KHDRBS2: variants seen among roughly 807,000 people sequenced by gnomAD.
KHDRBS2 encodes KH domain-containing, RNA-binding, signal transduction-associated protein 2.
Under a neutral mutation model 44.3 loss-of-function variants are expected in KHDRBS2, and 26 were observed. That is an observed-to-expected ratio of 0.59 (90% CI 0.43 to 0.81). The LOEUF (loss-of-function observed/expected upper bound fraction) is 0.81, where lower values mean the gene tolerates loss of function less well. Ranked by LOEUF, KHDRBS2 falls within the 40% of genes least tolerant of loss-of-function variation. The probability of loss-of-function intolerance (pLI) is 0.00; values close to 1 mark genes in which losing one functional copy is unlikely to be tolerated. For missense variants in KHDRBS2, 476 were observed against 433.1 expected (o/e 1.10, Z -0.88); for synonymous variants, 194 against 151.1 (o/e 1.28, Z -2.08).
At chr6:62,141,012 A>C (rs1237754356) in intron 2 of KHDRBS2, among the ~76,000 whole-genome samples, 1 of 152,176 alleles carries the variant, frequency 6.6e-6, no homozygotes, top group Non-Finnish European at 1.5e-5. Flanking sequence ...CATCTCATTA[A>C]GGGGTGTTTG....
the KHDRBS2 span, among the ~76,000 whole-genome samples, chr6:61,556,209 G>A: frequency 6.6e-6 from 1 of 152,170 alleles, no homozygotes; most frequent in African/African-American, 2.4e-5. Flanking sequence ...CTTTGTGTGT[G>A]CATTAACACC....
chr6:62,164,212 A>G (rs1291588752), intron 2 of KHDRBS2, among the ~76,000 whole-genome samples: 2 of 151,928 alleles, frequency 1.3e-5, no homozygotes, highest in African/African-American at 2.4e-5. Flanking sequence ...AAACTTACTA[A>G]TGTTATTATT....
chr6:61,765,421 A>C (rs1391805715), intron 6 of KHDRBS2, among the ~76,000 whole-genome samples: 1 of 152,208 alleles, frequency 6.6e-6, no homozygotes, highest in African/African-American at 2.4e-5. Flanking sequence ...ACTGCACTCC[A>C]ACGTGGGCAA....
intron 3 of KHDRBS2, among the ~76,000 whole-genome samples, chr6:62,034,686 C>A (rs57438696): frequency 3.7e-5 from 4 of 107,390 alleles, no homozygotes; most frequent in East Asian, 2.9e-4. Flanking sequence ...TAGTATCATT[C>A]TGAACAGAAA....
At chr6:61,936,355 C>T (rs557567535) in intron 4 of KHDRBS2, among the ~76,000 whole-genome samples, 4 of 151,906 alleles carry the variant, frequency 2.6e-5, no homozygotes, top group Admixed American at 2.0e-4. Flanking sequence ...TATTTTTATT[C>T]GGCCCCATAG....
Position 62,275,539 on chromosome 6 carries a change from T to C in KHDRBS2, c.91+10319A>G, listed in dbSNP as rs560262168. On this transcript the variant is annotated intron_variant, in intron 1 of 8. Transcript: ENST00000281156. ...TTCATCTACTGTCTGCATTTTATAATACTCTTTTATAAAATGAATGTACTG... is the reference window on the plus strand; with the variant it reads ...TTCATCTACTGTCTGCATTTTATAACACTCTTTTATAAAATGAATGTACTG... Among the ~76,000 whole-genome samples, 5 of 152,322 alleles carry C rather than the reference T, an allele frequency of 3.3e-5. No individual in the cohort carries two copies. The South Asian group carries it at 1.0e-3, about 32-fold the overall frequency.
At chr6:61,597,914 G>GT in the KHDRBS2 span, among the ~76,000 whole-genome samples, 1,785 of 135,036 alleles carry the variant, frequency 0.013, 39 homozygotes, top group African/African-American at 0.038. Context: ...TTTTTTTTGT[G>GT]TTTTTTTTTT....
At chr6:62,085,034 T>G in intron 2 of KHDRBS2, among the ~76,000 whole-genome samples, 1 of 152,108 alleles carries the variant, frequency 6.6e-6, no homozygotes, top group East Asian at 1.9e-4. Flanking sequence ...CACCATAAAA[T>G]TATCTGCACA....
intron 2 of KHDRBS2, among the ~76,000 whole-genome samples, chr6:62,150,880 C>T (rs1231775176): frequency 6.6e-6 from 1 of 152,218 alleles, no homozygotes; most frequent in Non-Finnish European, 1.5e-5. Context: ...TGACAGATCT[C>T]TGTCTTGTTC....
At chr6:61,729,127 C>T (rs551162645) in intron 7 of KHDRBS2, among the ~76,000 whole-genome samples, 1 of 152,234 alleles carries the variant, frequency 6.6e-6, no homozygotes, top group Admixed American at 6.5e-5. Flanking sequence ...TAGATATACA[C>T]CATGGAATAC....
chr6:61,917,303 G>A lies in KHDRBS2; in HGVS notation c.484-15932C>T, dbSNP rs536466922. Among the ~76,000 whole-genome samples, 35 of 151,718 alleles carry A rather than the reference G, an allele frequency of 2.3e-4. No homozygotes were observed. The South Asian group carries it at 6.7e-3, about 29-fold the overall frequency. On this transcript the variant is annotated intron_variant, in intron 4 of 8. Transcript: ENST00000281156. ...TTTGTATGAAGCCAAGGAAAGAAATGGAAAAAGCTTAAATGTATATTTAAA... is the reference window on the plus strand; with the variant it reads ...TTTGTATGAAGCCAAGGAAAGAAATAGAAAAAGCTTAAATGTATATTTAAA...
At chr6:61,950,506 T>C (rs1764526312) in intron 4 of KHDRBS2, among the ~76,000 whole-genome samples, 1 of 152,034 alleles carries the variant, frequency 6.6e-6, no homozygotes, top group African/African-American at 2.4e-5. Context: ...ATGATGTTGA[T>C]ATGCTTCTGG....
intron 4 of KHDRBS2, among the ~76,000 whole-genome samples, chr6:61,930,544 AAG>A (rs1491004608): frequency 0.012 from 347 of 29,860 alleles, 118 homozygotes; most frequent in African/African-American, 0.024. Flanking sequence ...AAAAAAAAAA[AAG>A]AAAAAAAAAA....
At chr6:61,565,500 CA>C in the KHDRBS2 span, among the ~76,000 whole-genome samples, 1 of 151,968 alleles carries the variant, frequency 6.6e-6, no homozygotes, top group Non-Finnish European at 1.5e-5. Context: ...TGTAAATGGG[CA>C]AAAGGTCTAA....
chr6:62,207,827 T>A (rs999165517), intron 1 of KHDRBS2, among the ~76,000 whole-genome samples: 4 of 152,186 alleles, frequency 2.6e-5, no homozygotes, highest in African/African-American at 9.6e-5. Context: ...TGTTAAGGAA[T>A]ACATATAGAT....
chr6:61,634,530 GTGT>G, the KHDRBS2 span, among the ~76,000 whole-genome samples: 49,254 of 151,586 alleles, frequency 0.32, 9,154 homozygotes, highest in East Asian at 0.49. Context: ...ATAGACACTG[GTGT>G]TGTTTAACTC....
intron 4 of KHDRBS2, among the ~76,000 whole-genome samples, chr6:61,940,202 T>C (rs1481733855): frequency 1.3e-5 from 2 of 151,320 alleles, no homozygotes; most frequent in East Asian, 3.9e-4. Flanking sequence ...AAATTGCAGT[T>C]AAAAGGTCTT....
intron 2 of KHDRBS2, among the ~76,000 whole-genome samples, chr6:62,173,478 T>C (rs1658157591): frequency 1.3e-5 from 2 of 151,962 alleles, no homozygotes; most frequent in East Asian, 1.9e-4. Flanking sequence ...CCAGGACCAG[T>C]TGGATTCACA....
intron 2 of KHDRBS2, among the ~76,000 whole-genome samples, chr6:62,049,780 T>C (rs1194247712): frequency 1.3e-5 from 2 of 152,056 alleles, no homozygotes; most frequent in African/African-American, 2.4e-5. Flanking sequence ...TATTAAAAAG[T>C]CAGGAAACAA....
Sources: allele counts gnomAD v4.1 joint callset (sites outside exome capture counted in the v4.1 genomes callset), GRCh38; gene constraint gnomAD v4.1.1; transcripts MANE v1.5; gene names NCBI Gene and HGNC (gene_info 2026-07-23, HGNC 2026-07-21).